The following SPG7 variants were observed in gnomAD, a reference collection of about 807,000 sequenced individuals.
The protein encoded by SPG7 is SPG7 matrix AAA peptidase subunit, paraplegin, also known as mitochondrial inner membrane m-AAA protease component paraplegin.
SPG7 carries 103 observed loss-of-function variants against 81.9 expected under a neutral mutation model. The observed-to-expected ratio is 1.26, with a 90% CI of 1.07 to 1.48. SPG7 has a LOEUF of 1.48. SPG7 is among the 40% of genes most tolerant of loss of function. SPG7 has a pLI of 0.00. For synonymous variants in SPG7, 534 were observed against 444.2 expected, an observed-to-expected ratio of 1.20 and a Z score of -2.54; for missense variants, 1,241 against 1,087.3, an observed-to-expected ratio of 1.14 and a Z score of -1.99.
intron 2 of SPG7, among the ~76,000 whole-genome samples, chr16:89,512,286 G>C (rs1373128474): frequency 6.6e-6 from 1 of 151,632 alleles, no homozygotes; most frequent in East Asian, 2.0e-4. Context: ...GGCCCCTCTT[G>C]GTGGTGGCTG....
At chr16:89,538,339 CAA>C (rs1050462854) in intron 9 of SPG7, 9 of 152,116 alleles carry the variant, frequency 5.9e-5, no homozygotes, top group Admixed American at 1.3e-4. Context: ...AAAATCTTGA[CAA>C]GAGCCATTTA....
chr16:89,545,252 G>C (rs1177012236), intron 10 of SPG7: 1 of 278,728 alleles, frequency 3.6e-6, no homozygotes, highest in Non-Finnish European at 7.0e-6. Flanking sequence ...GAGGCCTCTC[G>C]CCTGATCCCT....
At chr16:89,556,810 T>G in intron 16 of SPG7, 77 bp from the exon 17 acceptor site, 1 of 1,212,146 alleles carries the variant, frequency 8.2e-7, no homozygotes, top group Non-Finnish European at 1.2e-6. Flanking sequence ...CCCTCACGCC[T>G]CTTGCCACCT....
At chr16:89,519,900 T>C (rs916705882) in intron 3 of SPG7, 2 of 152,238 alleles carry the variant, frequency 1.3e-5, no homozygotes, top group Non-Finnish European at 2.9e-5. Flanking sequence ...ATCAGCCGTT[T>C]GTTTTTAGAT....
Position 89,556,792 on chromosome 16 carries a change from CAG to C in SPG7, c.2182-93_2182-92del, listed in dbSNP as rs2058690995. The C allele has an allele frequency of 3.0e-6, 3 of 985,470 alleles. No individual in the cohort carries two copies. The East Asian group carries it at 7.1e-5, about 23-fold the overall frequency. The allele number at this position is 985,470 out of a possible 1,614,324, so 61.0% of individuals were successfully genotyped here. A position where few individuals can be genotyped will look rare whatever the true frequency, so the allele number is the denominator to read the frequency against. The stretch of plus-strand genomic sequence containing the variant: ...TGGCCTGTCCTGGGTGTCCTGCACA[CAG>C]ACAGGCCCTCACGCCTCTTGCCACC... On this transcript the variant is annotated intron_variant, in intron 16 of 16. Transcript: ENST00000645818.
intron 16 of SPG7, chr16:89,556,191 C>A: frequency 2.5e-6 from 1 of 399,060 alleles, no homozygotes; most frequent in African/African-American, 2.1e-5. Flanking sequence ...CCCACACCAG[C>A]CCTAGAGAGG....
chr16:89,550,698 G>T, intron 13 of SPG7, 89 bp downstream of exon 13: 1 of 848,234 alleles, frequency 1.2e-6, no homozygotes, highest in South Asian at 1.4e-5. Context: ...GGGGAGTCCC[G>T]CCTGTGTCTG....
At chr16:89,547,908 C>T (rs557538659) in intron 11 of SPG7, 95 bp from the exon 12 acceptor site, 50 of 926,862 alleles carry the variant, frequency 5.4e-5, no homozygotes, top group East Asian at 9.6e-5. Context: ...CCACCATGCC[C>T]GGCCATCTTT....
chr16:89,526,973 C>T (rs953232444), intron 5 of SPG7: 1 of 223,662 alleles, frequency 4.5e-6, no homozygotes, highest in Non-Finnish European at 9.1e-6. Flanking sequence ...TCTCAGCCCC[C>T]GACGTAGGAT....
At chr16:89,549,519 G>C (rs1006294610) in intron 12 of SPG7, 1 of 329,258 alleles carries the variant, frequency 3.0e-6, no homozygotes, top group Non-Finnish European at 5.9e-6. Flanking sequence ...AAGAGTATTA[G>C]CCAGGCATGG....
At position 89,510,740 on chromosome 16, in the gene SPG7, C is replaced by A. The variant is rs115973339; in HGVS notation, c.286+148C>A. 3,008 of 681,090 alleles carry A rather than the reference C, an allele frequency of 4.4e-3. 73 individuals carry two copies. In the African/African-American group the frequency reaches 0.048, roughly 11 times the overall value. 42.2% of individuals were successfully genotyped at this position (681,090 alleles called of 1,614,324 possible). A position where few individuals can be genotyped will look rare whatever the true frequency, so the allele number is the denominator to read the frequency against. On this transcript the variant is annotated intron_variant, in intron 2 of 16. Transcript: ENST00000645818. ...AGTACAATGGTGTGATCAGAGCTCA[C>A]TACAGCCTAGAACTCCTGGGCTCAA...
chr16:89,529,165 C>A, intron 5 of SPG7: 1 of 401,434 alleles, frequency 2.5e-6, no homozygotes. Flanking sequence ...TGAAGCTGAT[C>A]GCTTACATTT....
chr16:89,529,812 A>C lies in SPG7; in HGVS notation c.861+233A>C. ...AACTCTGGGGTGCCTGAGCCTTGTG[A>C]GATTACAGGGCAGTTGAATCTGCGT... On this transcript the variant is annotated intron_variant, in intron 6 of 16. Coordinates refer to ENST00000645818, the MANE Select transcript of SPG7 (RefSeq NM_003119.4). 5.1e-6 allele frequency: 3 copies of C among 585,622 alleles called. No individual in the cohort carries two copies. In the South Asian group the frequency reaches 5.8e-5, roughly 11 times the overall value. 36.3% of individuals were successfully genotyped at this position (585,622 alleles called of 1,614,324 possible).
At chr16:89,546,092 C>CTTTT in intron 10 of SPG7, 5 of 247,838 alleles carry the variant, frequency 2.0e-5, no homozygotes, top group Admixed American at 1.1e-4. Flanking sequence ...AGAGCGTTCT[C>CTTTT]TTTTTTTTTT....
chr16:89,553,830 C>T lies in SPG7; in HGVS notation c.1973C>T (p.Ala658Val). ...QDDLRKVTRI[A>V]YSMVKQFGMA... ...GACCTGAGGAAGGTCACCCGCATCG[C>T]CTACTCCATGGTGAAGCAGTTTGGG... Residue 658 changes from alanine (A) to valine (V), a missense_variant, in exon 15 of 17, where the codon GCC becomes GTC. Physicochemically the swap from Ala to Val is moderately conservative, Grantham distance 64. Coordinates refer to ENST00000645818, the MANE Select transcript of SPG7 (RefSeq NM_003119.4). The T allele has an allele frequency of 6.2e-7, 1 of 1,613,588 alleles. No individual in the cohort carries two copies. Among genetic ancestry groups the T allele is most frequent in the Non-Finnish European group, 8.5e-7 (1 of 1,180,034 alleles).
intron 3 of SPG7, chr16:89,514,408 C>G (rs886074588): frequency 1.3e-5 from 2 of 150,768 alleles, no homozygotes; most frequent in African/African-American, 4.9e-5. Flanking sequence ...GCAACCTCCC[C>G]CTCCCGGGTT....
intron 5 of SPG7, among the ~76,000 whole-genome samples, chr16:89,527,794 C>T (rs772784038): frequency 6.6e-6 from 1 of 152,132 alleles, no homozygotes; most frequent in Non-Finnish European, 1.5e-5. Context: ...CAAGTACTCC[C>T]TTGATCAAAA....
chr16:89,550,621 C>T lies in SPG7; in HGVS notation c.1779+12C>T. Reference sequence around the variant, plus strand: ...AGGCCGTGATGAAGGTGGGTCTTGGCAGGTGCCGGCTCCACGGGCCTTGGC... The same window carrying T: ...AGGCCGTGATGAAGGTGGGTCTTGGTAGGTGCCGGCTCCACGGGCCTTGGC... On this transcript the variant is annotated intron_variant, in intron 13 of 16. Coordinates refer to ENST00000645818, the MANE Select transcript of SPG7 (RefSeq NM_003119.4). The T allele has an allele frequency of 6.3e-7, 1 of 1,591,414 alleles. No homozygotes were observed. Among genetic ancestry groups the T allele is most frequent in the South Asian group, 1.1e-5 (1 of 90,718 alleles).
At chr16:89,537,496 A>C in intron 9 of SPG7, 1 of 998,274 alleles carries the variant, frequency 1.0e-6, no homozygotes, top group South Asian at 4.4e-5. Flanking sequence ...ACGTGCAGCC[A>C]CACACAGAAA....
Sources: allele counts gnomAD v4.1 joint callset (sites outside exome capture counted in the v4.1 genomes callset), GRCh38; gene constraint gnomAD v4.1.1; transcripts MANE v1.5; gene names NCBI Gene and HGNC (gene_info 2026-07-23, HGNC 2026-07-21).